The following CTNNA2 variants were observed in gnomAD, a reference collection of about 807,000 sequenced individuals.
CTNNA2 encodes catenin alpha 2.
Under a neutral mutation model 101.0 loss-of-function variants are expected in CTNNA2, and 42 were observed. The observed-to-expected ratio is 0.42, with a 90% CI of 0.32 to 0.54. CTNNA2 has a LOEUF of 0.54. Ranked by LOEUF, CTNNA2 falls within the 20% of genes least tolerant of loss-of-function variation. CTNNA2 has a pLI of 0.14. For synonymous variants in CTNNA2, 450 were observed against 456.4 expected, an observed-to-expected ratio of 0.99 and a Z score of 0.18; for missense variants, 871 against 1,223.1, an observed-to-expected ratio of 0.71 and a Z score of 4.29.
At chr2:80,043,850 A>G (rs1402829338) in intron 7 of CTNNA2, among the ~76,000 whole-genome samples, 1 of 152,186 alleles carries the variant, frequency 6.6e-6, no homozygotes, top group East Asian at 1.9e-4. Context: ...GTCAAAGTCA[A>G]AGCACTTTTA....
chr2:80,169,433 G>A (rs1558870281), intron 7 of CTNNA2, among the ~76,000 whole-genome samples: 1 of 152,176 alleles, frequency 6.6e-6, no homozygotes, highest in Non-Finnish European at 1.5e-5. Context: ...CGTTATAAAG[G>A]TATACGTGTT....
At chr2:80,034,457 G>A (rs1024857519) in intron 7 of CTNNA2, among the ~76,000 whole-genome samples, 4 of 150,008 alleles carry the variant, frequency 2.7e-5, no homozygotes, top group Non-Finnish European at 5.9e-5. Flanking sequence ...AGGTTCAAGC[G>A]ATTCTCCTGC....
At chr2:80,353,317 A>T (rs1298628178) in intron 7 of CTNNA2, among the ~76,000 whole-genome samples, 1 of 152,128 alleles carries the variant, frequency 6.6e-6, no homozygotes, top group East Asian at 1.9e-4. Context: ...ACAACAGCCC[A>T]AGAACTACTA....
intron 7 of CTNNA2, among the ~76,000 whole-genome samples, chr2:80,104,558 A>C (rs1437241659): frequency 6.6e-6 from 1 of 152,234 alleles, no homozygotes; most frequent in African/African-American, 2.4e-5. Context: ...GTCATTCATG[A>C]GGAATATCTT....
intron 9 of CTNNA2, among the ~76,000 whole-genome samples, chr2:80,426,493 G>A (rs1681005831): frequency 6.6e-6 from 1 of 152,090 alleles, no homozygotes; most frequent in Non-Finnish European, 1.5e-5. Flanking sequence ...ATTCTATTGT[G>A]CAGGCAACTG....
chr2:79,958,780 T>TG (rs932929556), intron 7 of CTNNA2, among the ~76,000 whole-genome samples: 1 of 151,888 alleles, frequency 6.6e-6, no homozygotes, highest in Non-Finnish European at 1.5e-5. Context: ...ATCTCATTTT[T>TG]TTTTCTTTTC....
chr2:79,185,847 T>A lies in CTNNA2; in HGVS notation c.-524+416T>A, dbSNP rs116696674. On this transcript the variant is annotated intron_variant, in intron 1 of 21. Coordinates refer to the CTNNA2 transcript ENST00000466387. ...GGGAACAGGGGAATGGAGGGTGAAATTGCCAATGACTGTTAGTGAAGGAAA... is the reference window on the plus strand; with the variant it reads ...GGGAACAGGGGAATGGAGGGTGAAAATGCCAATGACTGTTAGTGAAGGAAA... Among the ~76,000 whole-genome samples, 528 of 152,210 alleles carry A rather than the reference T, an allele frequency of 3.5e-3. 4 individuals carry two copies. Among genetic ancestry groups the A allele is most frequent in the African/African-American group, 0.012 (510 of 41,530 alleles).
At chr2:80,138,336 A>G (rs1464508916) in intron 7 of CTNNA2, among the ~76,000 whole-genome samples, 1 of 152,130 alleles carries the variant, frequency 6.6e-6, no homozygotes, top group East Asian at 1.9e-4. Flanking sequence ...TTGTTTGGGG[A>G]TAAATGTTGA....
chr2:80,301,778 G>C (rs925560184), intron 7 of CTNNA2: 4 of 150,838 alleles, frequency 2.7e-5, no homozygotes, highest in African/African-American at 1.0e-4. Flanking sequence ...TTTTCCTTCT[G>C]GCCCCTGGAC....
chr2:79,248,542 C>T (rs573350084), intron 2 of CTNNA2, among the ~76,000 whole-genome samples: 217 of 152,170 alleles, frequency 1.4e-3, no homozygotes, highest in African/African-American at 4.9e-3. Flanking sequence ...CAGGGGCTAC[C>T]ATATTGAGGA....
chr2:79,650,431 T>A (rs79524144), intron 1 of CTNNA2, among the ~76,000 whole-genome samples: 4 of 152,038 alleles, frequency 2.6e-5, no homozygotes, highest in African/African-American at 9.7e-5. Flanking sequence ...GAAACTCTTG[T>A]CCCAAGGAGT....
intron 7 of CTNNA2, among the ~76,000 whole-genome samples, chr2:80,300,341 T>C (rs1195599818): frequency 1.3e-5 from 2 of 150,274 alleles, no homozygotes; most frequent in Non-Finnish European, 3.0e-5. Context: ...TGTAAGAAGC[T>C]GTCTCCCAGG....
At chr2:80,471,654 A>G (rs909169918) in intron 9 of CTNNA2, among the ~76,000 whole-genome samples, 3 of 152,220 alleles carry the variant, frequency 2.0e-5, no homozygotes, top group African/African-American at 7.2e-5. Flanking sequence ...ATATGACCTC[A>G]TAGGAGCCAG....
intron 3 of CTNNA2, chr2:79,320,091 A>G (rs1316493005): frequency 6.6e-6 from 1 of 152,066 alleles, no homozygotes; most frequent in Non-Finnish European, 1.5e-5. Context: ...TGTGATGAAA[A>G]TTGAGCCAGT....
intron 9 of CTNNA2, among the ~76,000 whole-genome samples, chr2:80,477,873 A>T (rs2149494681): frequency 6.6e-6 from 1 of 152,076 alleles, no homozygotes; most frequent in African/African-American, 2.4e-5. Flanking sequence ...GTATTTTTTG[A>T]TATAAGGACT....
chr2:80,405,595 G>C (rs549823558), intron 8 of CTNNA2, among the ~76,000 whole-genome samples: 1 of 152,144 alleles, frequency 6.6e-6, no homozygotes, highest in Non-Finnish European at 1.5e-5. Context: ...CTCCATGCCA[G>C]AAACTGAACT....
intron 18 of CTNNA2, among the ~76,000 whole-genome samples, chr2:80,629,454 G>A (rs549484102): frequency 9.9e-5 from 15 of 152,270 alleles, no homozygotes; most frequent in African/African-American, 3.6e-4. Context: ...CTGAAACTCA[G>A]CTCTGAGAAG....
intron 7 of CTNNA2, among the ~76,000 whole-genome samples, chr2:80,264,708 A>G (rs1040303379): frequency 1.3e-5 from 2 of 152,150 alleles, no homozygotes; most frequent in Non-Finnish European, 1.5e-5. Context: ...CATTTCAACT[A>G]TGACTTGAAG....
At chr2:79,638,799 G>T (rs1221664277) in intron 1 of CTNNA2, among the ~76,000 whole-genome samples, 2 of 152,134 alleles carry the variant, frequency 1.3e-5, no homozygotes, top group African/African-American at 2.4e-5. Flanking sequence ...GAGCTTGCTT[G>T]CTTTAAAAAT....
Sources: gnomAD v4.1 joint callset for allele counts (sites outside exome capture counted in the v4.1 genomes callset) on GRCh38, gnomAD v4.1.1 for gene constraint, MANE v1.5 for transcripts, NCBI Gene and HGNC (gene_info 2026-07-23, HGNC 2026-07-21) for gene names.